The following SHROOM4 variants were observed in gnomAD, a reference collection of about 807,000 sequenced individuals.
The protein encoded by SHROOM4 is shroom family member 4, also known as protein Shroom4.
SHROOM4 carries 17 observed loss-of-function variants against 80.3 expected under a neutral mutation model. The ratio of observed to expected loss-of-function variants is 0.21; its 90% CI spans 0.14 to 0.32. SHROOM4 has a LOEUF of 0.32. Ranked by LOEUF, SHROOM4 falls within the 10% of genes least tolerant of loss-of-function variation. SHROOM4 has a pLI of 1.00. For missense variants in SHROOM4, 993 were observed against 1,140.3 expected (o/e 0.87, Z 1.86); for synonymous variants, 400 against 437.5 (o/e 0.91, Z 1.07).
At chrX:50,684,554 T>C (rs999962884) in intron 2 of SHROOM4, among the ~76,000 whole-genome samples, 2 of 112,003 alleles carry the variant, frequency 1.8e-5, no homozygotes, top group Non-Finnish European at 3.8e-5. Flanking sequence ...AAGGAGTTCA[T>C]TGCTTTTCAA....
chrX:50,685,334 T>G (rs111580533), intron 2 of SHROOM4, among the ~76,000 whole-genome samples: 7,331 of 109,295 alleles, frequency 0.067, 620 homozygotes, highest in African/African-American at 0.23. Flanking sequence ...CTGGAGGGGG[T>G]TGGTTGGGTA....
intron 2 of SHROOM4, among the ~76,000 whole-genome samples, chrX:50,659,093 T>C (rs1011092492): frequency 1.1e-4 from 12 of 111,406 alleles, no homozygotes; most frequent in African/African-American, 3.9e-4. Context: ...AGAGAAGGAA[T>C]AGCATATTAA....
chrX:50,678,432 C>A (rs370179881), intron 2 of SHROOM4, among the ~76,000 whole-genome samples: 3 of 111,678 alleles, frequency 2.7e-5, no homozygotes, highest in Non-Finnish European at 5.7e-5. Flanking sequence ...GCAACCCCAC[C>A]ATAACTTCTA....
intron 1 of SHROOM4, among the ~76,000 whole-genome samples, chrX:50,791,327 A>G (rs1306594486): frequency 9.0e-6 from 1 of 111,603 alleles, no homozygotes; most frequent in Non-Finnish European, 1.9e-5. Flanking sequence ...TAAATAAGAC[A>G]TTCATGCTAA....
chrX:50,693,024 T>C (rs960707328), intron 2 of SHROOM4, among the ~76,000 whole-genome samples: 6 of 111,611 alleles, frequency 5.4e-5, no homozygotes, highest in Admixed American at 3.8e-4. Flanking sequence ...GCAATATCTC[T>C]GACACATTTA....
At chrX:50,665,924 C>T (rs1932675045) in intron 2 of SHROOM4, among the ~76,000 whole-genome samples, 1 of 111,543 alleles carries the variant, frequency 9.0e-6, no homozygotes, top group Non-Finnish European at 1.9e-5. Context: ...ATTGAAATCC[C>T]TAAGGATAAT....
At chrX:50,695,989 C>A (rs781933324) in intron 1 of SHROOM4, 52 bp from the exon 2 acceptor site, 918 of 1,184,371 alleles carry the variant, frequency 7.8e-4, no homozygotes, top group Non-Finnish European at 9.6e-4. Context: ...ACTTTCTCCC[C>A]AAAATTCTAC....
chrX:50,750,776 T>C (rs1312183739), intron 1 of SHROOM4, among the ~76,000 whole-genome samples: 1 of 111,925 alleles, frequency 8.9e-6, no homozygotes, highest in South Asian at 3.7e-4. Flanking sequence ...ATATTTATCA[T>C]CCTTCATCAT....
In SHROOM4 at chrX:50,592,344, G is replaced by C. The variant is rs184855767; in HGVS notation, c.*4351C>G. 15 of 259,090 alleles carry C rather than the reference G, an allele frequency of 5.8e-5. No individual in the cohort carries two copies. Among genetic ancestry groups the C allele is most frequent in the African/African-American group, 4.0e-4 (14 of 34,984 alleles). The allele number at this position is 259,090 out of a possible 1,213,427, so 21.4% of individuals were successfully genotyped here. On this transcript the variant is annotated 3_prime_UTR_variant, in exon 9 of 9. Coordinates refer to ENST00000376020, the MANE Select transcript of SHROOM4 (RefSeq NM_020717.5). ...TGCCTAATAACTTCTTGGATTGTTA[G>C]TGGCTTTTATTTATTATTTTCAAGT...
rs782116598 is a variant in SHROOM4 at position 50,709,125 on chromosome X, A to G, written c.118-13188T>C. 1.2e-4 allele frequency among the ~76,000 whole-genome samples: 13 copies of G among 111,226 alleles called. No homozygotes were observed. The South Asian group carries it at 5.0e-3, about 43-fold the overall frequency. ...CAGCACTCAGAATCTCTTATTTGCA[A>G]CATTCCGGGATCTGTAACACGGTCA... On this transcript the variant is annotated intron_variant, in intron 1 of 8. Coordinates refer to ENST00000376020, the MANE Select transcript of SHROOM4 (RefSeq NM_020717.5).
Position 50,813,968 on chromosome X carries a change from C to T in SHROOM4, c.51G>A (p.Gly17=), listed in dbSNP as rs782766310. 4.1e-6 allele frequency: 5 copies of T among 1,206,993 alleles called. No individual in the cohort carries two copies. The South Asian group carries it at 5.3e-5, about 13-fold the overall frequency. ...TAAGGGTGAAGCCCCAGGGTGCCCC[C>T]CCTTGCAGCTGCACAGGGACGTACT... ...SFQYVPVQLQ[G]GAPWGFTLKG... The change falls in exon 1 of 9, where the codon GGG becomes GGA. Residue 17 remains glycine, a synonymous_variant. Coordinates refer to ENST00000376020, the MANE Select transcript of SHROOM4 (RefSeq NM_020717.5).
chrX:50,796,943 C>A (rs1936026776), intron 1 of SHROOM4, among the ~76,000 whole-genome samples: 1 of 106,199 alleles, frequency 9.4e-6, no homozygotes, highest in Admixed American at 1.1e-4. Flanking sequence ...AAGAAATATT[C>A]CAGTGAATAC....
chrX:50,696,488 TG>T (rs1383255114), intron 1 of SHROOM4, among the ~76,000 whole-genome samples: 2 of 112,035 alleles, frequency 1.8e-5, no homozygotes, highest in Non-Finnish European at 3.8e-5. Context: ...CTCACAGAGT[TG>T]TTAGTATAGT....
At chrX:50,699,818 T>C (rs1557263400) in intron 1 of SHROOM4, among the ~76,000 whole-genome samples, 1 of 112,622 alleles carries the variant, frequency 8.9e-6, no homozygotes, top group African/African-American at 3.2e-5. Context: ...GCTGGCTTTC[T>C]AGTAGCTTTT....
rs1928847914 is a variant in SHROOM4, at chrX:50,590,422, T to TA, written c.*6272dup. ...CCACCATGCCCTGCTAATTTTTTTGTATTTTTTTTAGTAGAGATGGGGTTT... is the reference window on the plus strand; with the variant it reads ...CCACCATGCCCTGCTAATTTTTTTGTAATTTTTTTTAGTAGAGATGGGGTTT... On this transcript the variant is annotated 3_prime_UTR_variant, in exon 9 of 9. Coordinates refer to ENST00000376020, the MANE Select transcript of SHROOM4 (RefSeq NM_020717.5). Among the ~76,000 whole-genome samples, 1 of 111,058 alleles carries TA rather than the reference T, an allele frequency of 9.0e-6. No homozygotes were observed. The highest frequency in any genetic ancestry group is 1.9e-5 in the Non-Finnish European group (1 of 52,993).
intron 1 of SHROOM4, among the ~76,000 whole-genome samples, chrX:50,769,191 G>T (rs1283175688): frequency 9.3e-6 from 1 of 108,075 alleles, no homozygotes; most frequent in African/African-American, 3.4e-5. Flanking sequence ...AGGGAATGAA[G>T]GAGTGAAGAA....
In SHROOM4 at chrX:50,807,368, A is replaced by G. The variant is rs782293581; in HGVS notation, c.117+6534T>C. Among the ~76,000 whole-genome samples, 155 of 111,637 alleles carry G rather than the reference A, an allele frequency of 1.4e-3. 1 individual carries two copies. The highest frequency in any genetic ancestry group is 2.7e-3 in the Non-Finnish European group (142 of 53,137). On this transcript the variant is annotated intron_variant, in intron 1 of 8. Coordinates refer to ENST00000376020, the MANE Select transcript of SHROOM4 (RefSeq NM_020717.5). ...GGGCTTTTCCAATCAGTGTCAGTGG[A>G]GGTATGCAGGGAAATATATATCTGA...
chrX:50,614,270 A>C (rs374567742), intron 5 of SHROOM4, among the ~76,000 whole-genome samples: 32 of 112,654 alleles, frequency 2.8e-4, no homozygotes, highest in African/African-American at 9.3e-4. Flanking sequence ...AAAAGTAATA[A>C]GGGAAAGTTT....
chrX:50,628,203 G>A lies in SHROOM4; in HGVS notation c.2896-528C>T, dbSNP rs781963469. On this transcript the variant is annotated intron_variant, in intron 4 of 8. Transcript: ENST00000376020. ...CAGGTATGCCAGCATGCCTCCAACTGCAGTGGCTCCTCCTTCTCTGCCCAC... is the reference window on the plus strand; with the variant it reads ...CAGGTATGCCAGCATGCCTCCAACTACAGTGGCTCCTCCTTCTCTGCCCAC... Among the ~76,000 whole-genome samples, 6 of 111,565 alleles carry A rather than the reference G, an allele frequency of 5.4e-5. No individual in the cohort carries two copies. The Admixed American group carries it at 5.7e-4, about 11-fold the overall frequency.
Sources: gnomAD v4.1 joint callset for allele counts (sites outside exome capture counted in the v4.1 genomes callset) on GRCh38, gnomAD v4.1.1 for gene constraint, MANE v1.5 for transcripts, NCBI Gene and HGNC (gene_info 2026-07-23, HGNC 2026-07-21) for gene names.